Variants in MED13 observed in about 807,000 individuals in gnomAD.
MED13 encodes the protein mediator complex subunit 13.
In MED13, 23 loss-of-function variants were observed where a neutral mutation model predicts 225.2. The ratio of observed to expected loss-of-function variants is 0.10; its 90% CI spans 0.07 to 0.14. MED13 has a LOEUF of 0.14. Among genes scored for constraint, MED13 ranks in the 10% least tolerant of loss-of-function variants. The pLI, the probability that MED13 is intolerant of heterozygous loss-of-function variation, is 1.00. For missense variants in MED13, 2,197 were observed against 2,594.5 expected (o/e 0.85, Z 3.33); for synonymous variants, 942 against 889.2 (o/e 1.06, Z -1.06).
At chr17:61,983,658 A>T (rs1219558116) in intron 15 of MED13, among the ~76,000 whole-genome samples, 1 of 152,118 alleles carries the variant, frequency 6.6e-6, no homozygotes, top group South Asian at 2.1e-4. Flanking sequence ...AGCCCAAAAG[A>T]AAAGGTGCTT....
chr17:62,042,892 G>GT (rs1460448521), intron 3 of MED13, among the ~76,000 whole-genome samples: 1 of 152,020 alleles, frequency 6.6e-6, no homozygotes, highest in Non-Finnish European at 1.5e-5. Context: ...GCTCACACCT[G>GT]TAATCCCAGT....
intron 16 of MED13, among the ~76,000 whole-genome samples, chr17:61,973,876 G>A (rs997804351): frequency 2.0e-5 from 3 of 151,852 alleles, no homozygotes; most frequent in Non-Finnish European, 2.9e-5. Flanking sequence ...CCAGCTACTC[G>A]GGAGGCTAAG....
chr17:62,064,803 G>A (rs908888992), intron 1 of MED13, among the ~76,000 whole-genome samples: 1 of 152,184 alleles, frequency 6.6e-6, no homozygotes, highest in African/African-American at 2.4e-5. Flanking sequence ...CAGGGATACA[G>A]GGCCAATAAG....
At chr17:61,972,616 GAATATATCACA>G (rs950012069) in intron 17 of MED13, 100 bp downstream of exon 17, 1 of 1,036,946 alleles carries the variant, frequency 9.6e-7, no homozygotes, top group Non-Finnish European at 1.4e-6. Context: ...GTGGCCTTAA[GAATATATCACA>G]AATATATTTA....
intron 8 of MED13, among the ~76,000 whole-genome samples, chr17:62,015,950 ATATATTTTTTTTTTTTTTT>A (rs1210293782): frequency 4.4e-4 from 6 of 13,778 alleles, no homozygotes; most frequent in South Asian, 7.1e-3. Flanking sequence ...ATATATATAT[ATATATTTTTTTTTTTTTTT>A]TTTTTTTTTT....
chr17:62,015,120 T>G (rs1181538714), intron 8 of MED13, among the ~76,000 whole-genome samples: 1 of 152,076 alleles, frequency 6.6e-6, no homozygotes, highest in African/African-American at 2.4e-5. Context: ...AACAACCAAA[T>G]GTTTACTCCT....
At position 62,063,198 on chromosome 17, in the gene MED13, A is replaced by G; in HGVS notation, c.170T>C (p.Phe57Ser). 1.2e-6 allele frequency: 2 copies of G among 1,614,184 alleles called. No individual in the cohort carries two copies. Among genetic ancestry groups the G allele is most frequent in the Non-Finnish European group, 1.7e-6 (2 of 1,180,022 alleles). The change falls in exon 2 of 30, where the codon TTT becomes TCT. Residue 57 changes from phenylalanine to serine, a missense_variant. Coordinates refer to ENST00000397786, the MANE Select transcript of MED13 (RefSeq NM_005121.3). Reference protein sequence around the residue: ...VTEEDPILSSFSRCLKADVLG... With the variant: ...VTEEDPILSSSSRCLKADVLG... ...TACATCTGCCTTAAGGCAGCGACTA[A>G]AACTGCTCAAAATGGGGTCTTCTTC...
chr17:62,038,263 G>A (rs1017065187), intron 3 of MED13, among the ~76,000 whole-genome samples: 18 of 152,028 alleles, frequency 1.2e-4, no homozygotes, highest in Admixed American at 1.2e-3. Context: ...GTGGGGTGTG[G>A]TGCATGCCTG....
intron 3 of MED13, among the ~76,000 whole-genome samples, chr17:62,042,172 A>T (rs2080857994): frequency 6.6e-6 from 1 of 152,204 alleles, no homozygotes; most frequent in Admixed American, 6.5e-5. Context: ...TGAACAAAAG[A>T]TCTATACTAA....
chr17:62,034,022 G>A (rs367639586), intron 4 of MED13, 38 bp from the exon 5 acceptor site: 1 of 1,562,984 alleles, frequency 6.4e-7, no homozygotes, highest in East Asian at 2.2e-5. Flanking sequence ...AGTAACAAAA[G>A]ACTGTTTTAC....
At chr17:62,062,600 CCACACACACACACACACA>C (rs58730188) in intron 2 of MED13, among the ~76,000 whole-genome samples, 3 of 136,200 alleles carry the variant, frequency 2.2e-5, no homozygotes, top group African/African-American at 9.0e-5. Context: ...CACACACACA[CCACACACACACACACACA>C]CACACACACG....
rs1202614043 is a variant in MED13, at chr17:61,982,965, CTTGGAG to C, written c.3032_3037del (p.Thr1011_Pro1012del). 3 of 1,613,838 alleles carry C rather than the reference CTTGGAG, an allele frequency of 1.9e-6. No homozygotes were observed. The highest frequency in any genetic ancestry group is 2.5e-6 in the Non-Finnish European group (3 of 1,179,860). Reference sequence around the variant, plus strand: ...AGGAGTCCGAGGAGTCCTTGGAGTCCTTGGAGTTGGAAACCGAGGGGTGGATGGAGA... The same window carrying C: ...AGGAGTCCGAGGAGTCCTTGGAGTCCTTGGAAACCGAGGGGTGGATGGAGA... On this transcript the variant is annotated inframe_deletion, in exon 16 of 30. Transcript: ENST00000397786.
At chr17:61,973,402 A>G (rs763350222) in intron 16 of MED13, among the ~76,000 whole-genome samples, 2 of 152,196 alleles carry the variant, frequency 1.3e-5, no homozygotes, top group Non-Finnish European at 2.9e-5. Flanking sequence ...AAAGTATATT[A>G]TCCATAAATA....
chr17:62,007,681 T>C (rs1465886442), intron 9 of MED13, among the ~76,000 whole-genome samples: 7 of 151,090 alleles, frequency 4.6e-5, no homozygotes, highest in Non-Finnish European at 5.9e-5. Flanking sequence ...ACCCCGTCTC[T>C]ACTAAAAATA....
intron 5 of MED13, among the ~76,000 whole-genome samples, 158 bp from the exon 6 acceptor site, chr17:62,031,796 C>CTT (rs201086493): frequency 6.9e-6 from 1 of 144,718 alleles, no homozygotes; most frequent in East Asian, 2.0e-4. Context: ...TTTTTCTTTT[C>CTT]TTTTTTTTTT....
In MED13 at chr17:61,965,385, T is replaced by C; in HGVS notation, c.4465A>G (p.Thr1489Ala). ...LVAPTSQSLITPPQMTNTGNA... is the reference protein window; with the variant it reads ...LVAPTSQSLIAPPQMTNTGNA... ...CCAGTATTTGTCATCTGAGGTGGAG[T>C]AATCAAAGACTGACTTGTAGGGGCA... The change falls in exon 20 of 30, where the codon ACT (threonine) becomes GCT (alanine). Residue 1489 changes from threonine to alanine, a missense_variant. Transcript: ENST00000397786. The C allele has an allele frequency of 6.2e-7, 1 of 1,614,020 alleles. No homozygotes were observed.
At chr17:62,037,144 T>C (rs926387878) in intron 3 of MED13, among the ~76,000 whole-genome samples, 10 of 151,906 alleles carry the variant, frequency 6.6e-5, no homozygotes, top group Non-Finnish European at 1.3e-4. Context: ...TCCCAGCTAC[T>C]TGGGAGGCTG....
intron 1 of MED13, among the ~76,000 whole-genome samples, chr17:62,063,969 C>T (rs2081061780): frequency 6.6e-6 from 1 of 152,154 alleles, no homozygotes; most frequent in Non-Finnish European, 1.5e-5. Flanking sequence ...GAAAAACATA[C>T]TGTAGACGAG....
intron 11 of MED13, among the ~76,000 whole-genome samples, chr17:61,992,222 A>C (rs908926239): frequency 1.3e-5 from 2 of 152,202 alleles, no homozygotes; most frequent in Non-Finnish European, 2.9e-5. Flanking sequence ...ATGTGCCTTC[A>C]TTCTTTTACT....
Sources: allele counts gnomAD v4.1 joint callset (sites outside exome capture counted in the v4.1 genomes callset), GRCh38; gene constraint gnomAD v4.1.1; transcripts MANE v1.5; gene names NCBI Gene and HGNC (gene_info 2026-07-23, HGNC 2026-07-21).